INTS15: variants seen among roughly 807,000 people sequenced by gnomAD.
The protein encoded by INTS15 is integrator complex subunit 15, also known as uncharacterized protein C7orf26.
the INTS15 span, chr7:6,608,682 C>G: frequency 3.0e-5 from 7 of 230,312 alleles, no homozygotes; most frequent in Non-Finnish European, 3.6e-5. Context: ...TTGGGGGTGT[C>G]TAAATTTCCT....
At chr7:6,597,215 A>T in the INTS15 span, among the ~76,000 whole-genome samples, 1 of 152,054 alleles carries the variant, frequency 6.6e-6, no homozygotes, top group African/African-American at 2.4e-5. Flanking sequence ...TGCTGTTAAC[A>T]GGTGGGAGTG....
At chr7:6,598,735 T>TTG in the INTS15 span, among the ~76,000 whole-genome samples, 12,273 of 83,458 alleles carry the variant, frequency 0.15, 1,134 homozygotes, top group Non-Finnish European at 0.17. Flanking sequence ...GCTGTATGCT[T>TTG]TGTGTGTGTG....
At chr7:6,595,220 C>G in the INTS15 span, among the ~76,000 whole-genome samples, 789 of 152,196 alleles carry the variant, frequency 5.2e-3, 10 homozygotes, top group African/African-American at 0.018. Context: ...TTTATAGAGA[C>G]AGGGTTTCGC....
At chr7:6,591,566 T>C in the INTS15 span, 1 of 1,312,478 alleles carries the variant, frequency 7.6e-7, no homozygotes, top group Non-Finnish European at 1.1e-6. Context: ...GCCCAGTCTA[T>C]TTCCTGTTTT....
At chr7:6,591,242 G>A in the INTS15 span, among the ~76,000 whole-genome samples, 2 of 151,618 alleles carry the variant, frequency 1.3e-5, no homozygotes, top group Non-Finnish European at 1.5e-5. Flanking sequence ...AAGTTCTACG[G>A]GAAAATACTG....
At chr7:6,602,087 C>G in the INTS15 span, 1 of 1,611,756 alleles carries the variant, frequency 6.2e-7, no homozygotes, top group South Asian at 1.1e-5. Context: ...AATCTTGTAT[C>G]TCCTTAATTG....
At chr7:6,600,096 C>T in the INTS15 span, 3 of 1,614,208 alleles carry the variant, frequency 1.9e-6, no homozygotes, top group South Asian at 2.2e-5. Context: ...GACAGAGACT[C>T]CCACCTCTTG....
chr7:6,608,303 T>C, the INTS15 span: 1 of 1,439,454 alleles, frequency 6.9e-7, no homozygotes, highest in Admixed American at 2.7e-5. Context: ...TGTCACGGAG[T>C]CCAGGTGCTT....
the INTS15 span, among the ~76,000 whole-genome samples, chr7:6,599,049 A>G: frequency 2.0e-5 from 3 of 152,152 alleles, no homozygotes; most frequent in South Asian, 6.2e-4. Context: ...TGGCCTCCCA[A>G]AGTGCTGGGA....
the INTS15 span, among the ~76,000 whole-genome samples, chr7:6,597,633 C>T: frequency 3.9e-5 from 6 of 152,210 alleles, no homozygotes; most frequent in Admixed American, 2.0e-4. Context: ...CCAACAAAAA[C>T]AGAAACTGGC....
the INTS15 span, chr7:6,602,719 G>A: frequency 2.1e-6 from 1 of 471,146 alleles, no homozygotes; most frequent in South Asian, 1.5e-5. Context: ...CCTACTCCTT[G>A]CCACGTGGAG....
chr7:6,608,493 C>T, the INTS15 span: 1 of 1,212,198 alleles, frequency 8.2e-7, no homozygotes, highest in South Asian at 1.8e-5. Flanking sequence ...CGGGTGCAAG[C>T]CCGTGTGTCT....
chr7:6,590,258 G>C, the INTS15 span: 1 of 1,483,552 alleles, frequency 6.7e-7, no homozygotes. Context: ...AGACGCGCTC[G>C]GCGCGGGGGC....
chr7:6,590,612 A>G, the INTS15 span: 3 of 1,391,824 alleles, frequency 2.2e-6, no homozygotes, highest in Middle Eastern at 2.6e-4. Context: ...TCGCTCCTGC[A>G]GCAGCCCCCA....
chr7:6,600,886 C>T, the INTS15 span, among the ~76,000 whole-genome samples: 2 of 152,146 alleles, frequency 1.3e-5, no homozygotes, highest in African/African-American at 4.8e-5. Context: ...CTGGTGCCAC[C>T]TCTACCATCC....
At chr7:6,605,651 A>G in the INTS15 span, among the ~76,000 whole-genome samples, 1 of 152,040 alleles carries the variant, frequency 6.6e-6, no homozygotes, top group Non-Finnish European at 1.5e-5. Flanking sequence ...CAGGCCTGGC[A>G]CTGCTGTTGG....
the INTS15 span, among the ~76,000 whole-genome samples, chr7:6,591,432 ATTG>A: frequency 1.3e-5 from 2 of 151,522 alleles, no homozygotes. Flanking sequence ...ATGCCGGCTA[ATTG>A]TTGTATTTTT....
chr7:6,602,804 C>G, the INTS15 span: 1 of 467,834 alleles, frequency 2.1e-6, no homozygotes, highest in Non-Finnish European at 4.4e-6. Flanking sequence ...GGCCTTGCCA[C>G]TTCCAAAAGT....
the INTS15 span, among the ~76,000 whole-genome samples, chr7:6,592,845 A>G: frequency 1.3e-5 from 2 of 152,072 alleles, no homozygotes; most frequent in Non-Finnish European, 2.9e-5. Context: ...CCTGAGGTCA[A>G]GCGATCCTCC....
Sources: allele counts gnomAD v4.1 joint callset (sites outside exome capture counted in the v4.1 genomes callset), GRCh38; gene constraint gnomAD v4.1.1; transcripts MANE v1.5; gene names NCBI Gene and HGNC (gene_info 2026-07-23, HGNC 2026-07-21).